SPATA7: variants seen among roughly 807,000 people sequenced by gnomAD.
SPATA7 encodes the protein spermatogenesis associated 7, also known as spermatogenesis-associated protein 7.
A neutral mutation model predicts 51.8 loss-of-function variants in SPATA7; 43 were observed. The observed-to-expected ratio is 0.83, with a 90% CI of 0.65 to 1.07. The LOEUF is 1.07. Ranked by LOEUF, SPATA7 falls within the 50% of genes least tolerant of loss-of-function variation. The pLI is 0.00. For missense variants in SPATA7, 683 were observed against 701.3 expected, an observed-to-expected ratio of 0.97 and a Z score of 0.30; for synonymous variants, 230 against 252.8, an observed-to-expected ratio of 0.91 and a Z score of 0.86.
Position 88,469,399 on chromosome 14 carries a change from A to T in SPATA7, c.255-448A>T. 1 of 1,062,154 alleles carries T rather than the reference A, an allele frequency of 9.4e-7. No homozygotes were observed. Among genetic ancestry groups the T allele is most frequent in the Non-Finnish European group, 1.4e-6 (1 of 720,060 alleles). The allele number at this position is 1,062,154 out of a possible 1,614,324, so 65.8% of individuals were successfully genotyped here. On this transcript the variant is annotated intron_variant, in intron 4 of 4. Coordinates refer to the SPATA7 transcript ENST00000556406. The surrounding 1 kb of genome is among the most constrained non-coding windows in gnomAD (Gnocchi z 4.3). ...ATGTTAAAACAAGTCCGAAGCTTATATGAGATAACATAAAGGAAATATTTC... is the reference window on the plus strand; with the variant it reads ...ATGTTAAAACAAGTCCGAAGCTTATTTGAGATAACATAAAGGAAATATTTC...
At chr14:88,390,007 C>T (rs1188071262) in intron 1 of SPATA7, among the ~76,000 whole-genome samples, 5 of 152,198 alleles carry the variant, frequency 3.3e-5, no homozygotes, top group African/African-American at 1.2e-4. Flanking sequence ...ACCCAGGAAA[C>T]AGACTGCTTG....
intron 7 of SPATA7, 143 bp downstream of exon 7, chr14:88,427,839 G>T (rs952281537): frequency 4.5e-6 from 3 of 669,302 alleles, no homozygotes; most frequent in Admixed American, 2.4e-5. Context: ...TATACAGAAG[G>T]TCTGCCTATT....
chr14:88,399,042 A>T lies in SPATA7; in HGVS notation c.238+2839A>T, dbSNP rs1198248135. On this transcript the variant is annotated intron_variant, in intron 4 of 11. Coordinates refer to ENST00000393545, the MANE Select transcript of SPATA7 (RefSeq NM_018418.5). ...ACTCCAGCCTGGGCAACAGTGCAAGACTCCGTCTCAAAAAAAAAAAAAAAG... is the reference window on the plus strand; with the variant it reads ...ACTCCAGCCTGGGCAACAGTGCAAGTCTCCGTCTCAAAAAAAAAAAAAAAG... 1.1e-4 allele frequency among the ~76,000 whole-genome samples: 17 copies of T among 148,034 alleles called. No homozygotes were observed. In the East Asian group the frequency reaches 3.4e-3, roughly 29 times the overall value.
rs2077134641 is a variant in SPATA7, at chr14:88,437,906, A to G, written c.1284A>G (p.Val428=). The change falls in exon 12 of 12, where the codon GTA becomes GTG. Residue 428 remains valine, a synonymous_variant. Transcript: ENST00000393545. The stretch of plus-strand genomic sequence containing the variant: ...GCTGCACATCGGAGGAAAACTCGGT[A>G]AAGCAAAATGATGTTGATATGTTGA... The part of the protein sequence containing the change: ...DLGCTSEENS[V]KQNDVDMLNV... 1 of 1,611,506 alleles carries G rather than the reference A, an allele frequency of 6.2e-7. No homozygotes were observed. The highest frequency in any genetic ancestry group is 8.5e-7 in the Non-Finnish European group (1 of 1,178,664).
At chr14:88,435,413 A>T (rs2077056773) in intron 10 of SPATA7, among the ~76,000 whole-genome samples, 1 of 152,164 alleles carries the variant, frequency 6.6e-6, no homozygotes, top group Admixed American at 6.6e-5. Context: ...CCTCTCAAGC[A>T]TTTATCCTTT....
chr14:88,456,647 G>A (rs2077285798), downstream of SPATA7, among the ~76,000 whole-genome samples: 3 of 149,622 alleles, frequency 2.0e-5, no homozygotes, highest in Non-Finnish European at 4.4e-5. Flanking sequence ...TGAGTAGATT[G>A]CAAAAATTTT....
intron 5 of SPATA7, among the ~76,000 whole-genome samples, chr14:88,423,024 A>G (rs1214115295): frequency 6.6e-6 from 1 of 152,130 alleles, no homozygotes; most frequent in African/African-American, 2.4e-5. Flanking sequence ...TTTTATGATA[A>G]TTGCCCAATT....
At chr14:88,428,875 GCA>G (rs2076866107) in intron 7 of SPATA7, 1 of 167,170 alleles carries the variant, frequency 6.0e-6, no homozygotes, top group Non-Finnish European at 1.3e-5. Context: ...TAAATGCTTG[GCA>G]CAGTTTGTGG....
chr14:88,462,982 T>A (rs1408196088), intron 4 of SPATA7, among the ~76,000 whole-genome samples: 1 of 152,180 alleles, frequency 6.6e-6, no homozygotes, highest in Non-Finnish European at 1.5e-5. Context: ...TAGATGTTCT[T>A]TAGATTTTTG....
At chr14:88,447,439 A>G (rs1050450311) in intron 3 of SPATA7, among the ~76,000 whole-genome samples, 2 of 151,902 alleles carry the variant, frequency 1.3e-5, no homozygotes, top group African/African-American at 2.4e-5. Context: ...TCTTTATCCA[A>G]TTTGCCAGTC....
chr14:88,404,007 A>G (rs1242108861), intron 4 of SPATA7, among the ~76,000 whole-genome samples: 4 of 152,062 alleles, frequency 2.6e-5, no homozygotes, highest in Non-Finnish European at 4.4e-5. Context: ...AAATGCCTGA[A>G]ACATATACAG....
At chr14:88,445,495 TGCCCTG>T (rs1042902817) in intron 3 of SPATA7, among the ~76,000 whole-genome samples, 1 of 152,142 alleles carries the variant, frequency 6.6e-6, no homozygotes, top group African/African-American at 2.4e-5. Flanking sequence ...CCTGCCCAAT[TGCCCTG>T]GCCAGAACTT....
intron 4 of SPATA7, chr14:88,410,899 C>T (rs2076324330): frequency 6.5e-6 from 1 of 152,698 alleles, no homozygotes; most frequent in Non-Finnish European, 1.5e-5. Context: ...TAGCAGAGCT[C>T]AAGCACTGGC....
chr14:88,402,959 C>CAAAAAAAAAAAAAAAAAAAAAAAAAAAAA (rs56330042), intron 4 of SPATA7, among the ~76,000 whole-genome samples: 1 of 62,018 alleles, frequency 1.6e-5, no homozygotes. Flanking sequence ...AACTCAATAG[C>CAAAAAAAAAAAAAAAAAAAAAAAAAAAAA]AAAAAAAAAA....
At chr14:88,423,374 CA>C (rs59070171) in intron 5 of SPATA7, among the ~76,000 whole-genome samples, 191 of 41,502 alleles carry the variant, frequency 4.6e-3, no homozygotes, top group Middle Eastern at 0.033. Flanking sequence ...CCCATCTCTA[CA>C]AAAAAAAAAA....
chr14:88,410,249 C>T (rs1242908541), intron 4 of SPATA7, among the ~76,000 whole-genome samples: 1 of 152,168 alleles, frequency 6.6e-6, no homozygotes, highest in Non-Finnish European at 1.5e-5. Context: ...GTCTCAAGAA[C>T]TTGGTTTATG....
At position 88,386,523 on chromosome 14, in the gene SPATA7, G is replaced by GT. The variant is rs374496736; in HGVS notation, c.19+690dup. Among the ~76,000 whole-genome samples, 7 of 152,266 alleles carry GT rather than the reference G, an allele frequency of 4.6e-5. No homozygotes were observed. In the East Asian group the frequency reaches 1.3e-3, roughly 29 times the overall value. On this transcript the variant is annotated intron_variant, in intron 1 of 11. Transcript: ENST00000393545. ...CGGTGTTGCTGGTCAGCGGACTGCAGTTTTAGCAGCAATCCGTACTCACCA... is the reference window on the plus strand; with the variant it reads ...CGGTGTTGCTGGTCAGCGGACTGCAGTTTTTAGCAGCAATCCGTACTCACCA...
Position 88,433,118 on chromosome 14 carries a change from T to C in SPATA7, c.1083-17T>C, listed in dbSNP as rs377494268. 1.0e-4 allele frequency: 166 copies of C among 1,598,482 alleles called. 1 individual carries two copies. The African/African-American group carries it at 2.0e-3, about 19-fold the overall frequency. On this transcript the variant is annotated splice_polypyrimidine_tract_variant and intron_variant, in intron 9 of 11. Coordinates refer to ENST00000393545, the MANE Select transcript of SPATA7 (RefSeq NM_018418.5). ...TAAGGAATAATTTTTATGCTATATA[T>C]TGCCTTCCTTTTACAGTGAAGAAGA...
chr14:88,457,550 G>T (rs1183917130), downstream of SPATA7, among the ~76,000 whole-genome samples: 1 of 152,186 alleles, frequency 6.6e-6, no homozygotes, highest in East Asian at 1.9e-4. Context: ...GTATAAGAAT[G>T]CTTGTGATTT....
Sources: gnomAD v4.1 joint callset for allele counts (sites outside exome capture counted in the v4.1 genomes callset) on GRCh38, gnomAD v4.1.1 for gene constraint, Gnocchi (gnomAD v3.1) non-coding constraint, MANE v1.5 for transcripts, NCBI Gene and HGNC (gene_info 2026-07-23, HGNC 2026-07-21) for gene names.